Variants in JMJD1C observed in about 807,000 individuals in gnomAD.
The protein encoded by JMJD1C is jumonji domain containing 1C.
Under a neutral mutation model 245.3 loss-of-function variants are expected in JMJD1C, and 31 were observed. The ratio of observed to expected loss-of-function variants is 0.13; its 90% CI spans 0.09 to 0.17. JMJD1C has a LOEUF of 0.17. Among genes scored for constraint, JMJD1C ranks in the 10% least tolerant of loss-of-function variants. The pLI, the probability that JMJD1C is intolerant of heterozygous loss-of-function variation, is 1.00. For synonymous variants in JMJD1C, 1,057 were observed against 1,017.4 expected, an observed-to-expected ratio of 1.04 and a Z score of -0.74; for missense variants, 2,691 against 3,000.2, an observed-to-expected ratio of 0.90 and a Z score of 2.41.
At chr10:63,233,240 C>A (rs189031557) in intron 3 of JMJD1C, among the ~76,000 whole-genome samples, 1 of 152,222 alleles carries the variant, frequency 6.6e-6, no homozygotes, top group East Asian at 1.9e-4. Flanking sequence ...CCTGCATAGT[C>A]TAAAATATGC....
chr10:63,341,769 C>G (rs117774904), intron 2 of JMJD1C, among the ~76,000 whole-genome samples: 4 of 152,194 alleles, frequency 2.6e-5, no homozygotes, highest in African/African-American at 7.2e-5. Flanking sequence ...TTCAGCCATG[C>G]GACCAGGGTA....
At chr10:63,236,078 A>G (rs1348441314) in intron 3 of JMJD1C, among the ~76,000 whole-genome samples, 1 of 152,232 alleles carries the variant, frequency 6.6e-6, no homozygotes, top group Non-Finnish European at 1.5e-5. Flanking sequence ...ATCTTAATAT[A>G]CATGTCCTAT....
chr10:63,196,720 C>T (rs943488949), intron 13 of JMJD1C, among the ~76,000 whole-genome samples: 3 of 152,196 alleles, frequency 2.0e-5, no homozygotes, highest in Non-Finnish European at 4.4e-5. Flanking sequence ...CTACTCCTAA[C>T]AAAAAATTCA....
chr10:63,312,406 T>G (rs949895814), intron 2 of JMJD1C, among the ~76,000 whole-genome samples: 1 of 152,062 alleles, frequency 6.6e-6, no homozygotes, highest in African/African-American at 2.4e-5. Context: ...CCATGCCCGG[T>G]TGACTAGCTA....
intron 1 of JMJD1C, among the ~76,000 whole-genome samples, chr10:63,396,141 T>C (rs547018467): frequency 6.6e-6 from 1 of 152,222 alleles, no homozygotes; most frequent in East Asian, 1.9e-4. Context: ...GGAATCAGCA[T>C]GACTTAAAAA....
At chr10:63,338,900 C>G (rs1459268962) in intron 2 of JMJD1C, among the ~76,000 whole-genome samples, 1 of 152,088 alleles carries the variant, frequency 6.6e-6, no homozygotes, top group Admixed American at 6.6e-5. Flanking sequence ...CCACCCGCCT[C>G]AGCCTCCCAA....
intron 2 of JMJD1C, among the ~76,000 whole-genome samples, chr10:63,342,103 A>G (rs192839929): frequency 2.6e-5 from 4 of 152,246 alleles, no homozygotes; most frequent in Non-Finnish European, 4.4e-5. Flanking sequence ...ATCACTGTCC[A>G]TCAGTAAGCT....
intron 18 of JMJD1C, among the ~76,000 whole-genome samples, chr10:63,187,423 T>C (rs983807234): frequency 1.3e-5 from 2 of 152,218 alleles, no homozygotes; most frequent in African/African-American, 2.4e-5. Flanking sequence ...GCAGAAATCT[T>C]AGGCTATCAC....
intron 16 of JMJD1C, 31 bp downstream of exon 16, chr10:63,192,907 C>T: frequency 6.6e-7 from 1 of 1,507,242 alleles, no homozygotes; most frequent in Non-Finnish European, 9.2e-7. Flanking sequence ...ATACTCCTCT[C>T]ACACATGCCT....
At chr10:63,176,920 C>T (rs1842913590) in intron 23 of JMJD1C, 1 of 151,958 alleles carries the variant, frequency 6.6e-6, no homozygotes, top group Non-Finnish European at 1.5e-5. Context: ...CCTTCTAACA[C>T]TTGAAAAATC....
chr10:63,467,960 C>T (rs1953366385), upstream of JMJD1C, among the ~76,000 whole-genome samples: 1 of 152,142 alleles, frequency 6.6e-6, no homozygotes, highest in African/African-American at 2.4e-5. Context: ...TCCCACTCAC[C>T]AAATTACATT....
Position 63,480,830 on chromosome 10 carries a change from C to CT in JMJD1C, n.113+40907dup, listed in dbSNP as rs1195821826. Among the ~76,000 whole-genome samples, 6 of 152,016 alleles carry CT rather than the reference C, an allele frequency of 3.9e-5. No homozygotes were observed. The East Asian group carries it at 9.6e-4, about 24-fold the overall frequency. Reference sequence around the variant, plus strand: ...ATAACTACAAAGGAAGAAAAAGTTCCTTTTTGTGACTACCAACAACAGTCC... The same window carrying CT: ...ATAACTACAAAGGAAGAAAAAGTTCCTTTTTTGTGACTACCAACAACAGTCC... On this transcript the variant is annotated intron_variant and non_coding_transcript_variant, in intron 1 of 3. Coordinates refer to the JMJD1C transcript ENST00000633035.
intron 2 of JMJD1C, among the ~76,000 whole-genome samples, chr10:63,334,786 G>A (rs1325863510): frequency 6.9e-6 from 1 of 144,872 alleles, no homozygotes; most frequent in Non-Finnish European, 1.5e-5. Context: ...TCAGCTTACT[G>A]CAACCTCCAC....
intron 1 of JMJD1C, among the ~76,000 whole-genome samples, chr10:63,408,148 A>T (rs995264686): frequency 6.6e-6 from 1 of 152,182 alleles, no homozygotes; most frequent in African/African-American, 2.4e-5. Flanking sequence ...TCATGCCTGT[A>T]ATCCCAGCAC....
intron 22 of JMJD1C, among the ~76,000 whole-genome samples, chr10:63,178,220 C>T (rs536083120): frequency 4.1e-4 from 62 of 152,212 alleles, no homozygotes; most frequent in African/African-American, 1.5e-3. Context: ...GGATTACAGG[C>T]ATGAGACACT....
At chr10:63,359,227 C>G (rs941857303) in intron 2 of JMJD1C, 1 of 152,256 alleles carries the variant, frequency 6.6e-6, no homozygotes, top group Non-Finnish European at 1.5e-5. Flanking sequence ...ATTGGTATAA[C>G]TGGCCTGGGC....
intron 2 of JMJD1C, among the ~76,000 whole-genome samples, chr10:63,296,772 C>T (rs1363621890): frequency 6.6e-6 from 1 of 152,160 alleles, no homozygotes; most frequent in South Asian, 2.1e-4. Flanking sequence ...ATATTTTCTA[C>T]ATGCTAGTAA....
At chr10:63,173,520 G>A (rs533970717) in intron 24 of JMJD1C, among the ~76,000 whole-genome samples, 7 of 152,240 alleles carry the variant, frequency 4.6e-5, no homozygotes, top group South Asian at 2.1e-4. Context: ...TTAGGAGTTC[G>A]AGACCAGCCT....
intron 22 of JMJD1C, among the ~76,000 whole-genome samples, chr10:63,182,359 A>G (rs1332848205): frequency 6.6e-6 from 1 of 152,252 alleles, no homozygotes; most frequent in African/African-American, 2.4e-5. Context: ...GGTGAGTAAT[A>G]AACGAACCAG....
Sources: allele counts gnomAD v4.1 joint callset (sites outside exome capture counted in the v4.1 genomes callset), GRCh38; gene constraint gnomAD v4.1.1; transcripts MANE v1.5; gene names NCBI Gene and HGNC (gene_info 2026-07-23, HGNC 2026-07-21).